The following NOL4L variants were observed in gnomAD, a reference collection of about 807,000 sequenced individuals.
The protein encoded by NOL4L is nucleolar protein 4-like.
In NOL4L, 7 loss-of-function variants were observed where a neutral mutation model predicts 64.5. The observed-to-expected ratio is 0.11, with a 90% CI of 0.06 to 0.20. NOL4L has a LOEUF of 0.20. Ranked by LOEUF, NOL4L falls within the 10% of genes least tolerant of loss-of-function variation. NOL4L has a pLI of 1.00. For missense variants in NOL4L, 680 were observed against 967.1 expected (o/e 0.70, Z 3.94); for synonymous variants, 413 against 401.0 (o/e 1.03, Z -0.36).
Position 32,444,159 on chromosome 20 carries a change from TAGG to T in NOL4L, c.*3434_*3436del, listed in dbSNP as rs1340502008. 6.6e-6 allele frequency: 1 copy of T among 151,952 alleles called. No individual in the cohort carries two copies. Among genetic ancestry groups the T allele is most frequent in the Admixed American group, 6.6e-5 (1 of 15,250 alleles). 9.4% of individuals were successfully genotyped at this position (151,952 alleles called of 1,614,324 possible). A position where few individuals can be genotyped will look rare whatever the true frequency, so the allele number is the denominator to read the frequency against. The stretch of plus-strand genomic sequence containing the variant: ...AGTACACTTTCACTGAGTCCAAAAT[TAGG>T]AGCAAAAATACAAAGGTTCACATTG... On this transcript the variant is annotated 3_prime_UTR_variant, in exon 11 of 11. Transcript: ENST00000621426.
intron 1 of NOL4L, chr20:32,573,586 A>T (rs963804385): frequency 5.6e-6 from 1 of 179,640 alleles, no homozygotes; most frequent in African/African-American, 2.4e-5. Context: ...ATAGCATAGA[A>T]GGAGGATATA....
intron 1 of NOL4L, among the ~76,000 whole-genome samples, chr20:32,583,993 C>T (rs1346088125): frequency 4.0e-5 from 6 of 148,174 alleles, no homozygotes; most frequent in African/African-American, 1.5e-4. Flanking sequence ...CCTCCCCGGG[C>T]CAGCCCCGGG....
chr20:32,555,378 C>T (rs1978585995), intron 1 of NOL4L, among the ~76,000 whole-genome samples: 1 of 152,082 alleles, frequency 6.6e-6, no homozygotes, highest in Non-Finnish European at 1.5e-5. Context: ...GTGCTCACTG[C>T]AGCCTCCATT....
At chr20:32,476,486 G>A (rs1172578701) in intron 4 of NOL4L, among the ~76,000 whole-genome samples, 1 of 152,242 alleles carries the variant, frequency 6.6e-6, no homozygotes, top group Non-Finnish European at 1.5e-5. Flanking sequence ...TGCCCAGGGG[G>A]TGCCATGCTC....
chr20:32,574,566 G>C (rs1979968508), intron 1 of NOL4L, among the ~76,000 whole-genome samples: 2 of 152,126 alleles, frequency 1.3e-5, no homozygotes, highest in South Asian at 4.1e-4. Context: ...TGTTTTTCTC[G>C]ACTCGCCAGC....
chr20:32,528,181 A>G (rs373541220), intron 1 of NOL4L, among the ~76,000 whole-genome samples: 141 of 152,338 alleles, frequency 9.3e-4, no homozygotes, highest in Non-Finnish European at 1.8e-3. Flanking sequence ...CATGTTCACA[A>G]TTTCAGACAG....
intron 1 of NOL4L, chr20:32,532,465 C>T (rs1600844602): frequency 1.5e-6 from 1 of 664,436 alleles, no homozygotes; most frequent in Non-Finnish European, 1.9e-6. Context: ...GTGCCGCAGA[C>T]ATCTCTGCTA....
At position 32,460,288 on chromosome 20, in the gene NOL4L, GCA is replaced by G. The variant is rs1327686167; in HGVS notation, c.842-3895_842-3894del. ...TGCCATTATCTCATTTTCTCATGCCGCACACACAGAGCCTACTCAGAGGGACA... is the reference window on the plus strand; with the variant it reads ...TGCCATTATCTCATTTTCTCATGCCGCACACAGAGCCTACTCAGAGGGACA... On this transcript the variant is annotated intron_variant, in intron 5 of 10. Transcript: ENST00000621426. The surrounding 1 kb of genome is among the most constrained non-coding windows in gnomAD (Gnocchi z 5.7). Among the ~76,000 whole-genome samples the G allele has an allele frequency of 6.6e-6, 1 of 152,116 alleles. No homozygotes were observed. Among genetic ancestry groups the G allele is most frequent in the Non-Finnish European group, 1.5e-5 (1 of 68,024 alleles).
At chr20:32,512,051 C>T (rs1459248350) in intron 3 of NOL4L, among the ~76,000 whole-genome samples, 2 of 152,048 alleles carry the variant, frequency 1.3e-5, no homozygotes, top group African/African-American at 4.8e-5. Flanking sequence ...CCCACCCCCA[C>T]AACACACACA....
chr20:32,579,547 C>T (rs1980337485), intron 1 of NOL4L, among the ~76,000 whole-genome samples: 1 of 152,090 alleles, frequency 6.6e-6, no homozygotes, highest in African/African-American at 2.4e-5. Context: ...TCCAGCCTCC[C>T]AGACGTGCAG....
intron 4 of NOL4L, among the ~76,000 whole-genome samples, chr20:32,498,766 T>TAAAAAAAA (rs34083852): frequency 2.0e-5 from 2 of 98,994 alleles, no homozygotes; most frequent in African/African-American, 6.7e-5. Context: ...CCTGTCTCAA[T>TAAAAAAAA]AAAAAAAAAA....
Position 32,463,856 on chromosome 20 carries a change from T to C in NOL4L, c.842-7461A>G, listed in dbSNP as rs1484519291. Among the ~76,000 whole-genome samples, 4 of 152,172 alleles carry C rather than the reference T, an allele frequency of 2.6e-5. No individual in the cohort carries two copies. Among genetic ancestry groups the C allele is most frequent in the African/African-American group, 9.6e-5 (4 of 41,522 alleles). ...GGGCGACTCCCACCAGCTCCCAGGC[T>C]AGGCTCGGAGAACGGGAAGGCCCAC... On this transcript the variant is annotated intron_variant, in intron 5 of 10. Transcript: ENST00000621426. The surrounding 1 kb of genome is among the most constrained non-coding windows in gnomAD (Gnocchi z 5.8).
intron 5 of NOL4L, among the ~76,000 whole-genome samples, chr20:32,458,656 C>A (rs2013774120): frequency 6.6e-6 from 1 of 152,252 alleles, no homozygotes; most frequent in Non-Finnish European, 1.5e-5. Flanking sequence ...ACACCACCCT[C>A]ACAGGCCACT....
chr20:32,486,691 T>C, intron 4 of NOL4L: 1 of 466,040 alleles, frequency 2.1e-6, no homozygotes, highest in Non-Finnish European at 4.4e-6. Context: ...GAGAAGAAAA[T>C]GTACCTGCAA....
chr20:32,447,751 AG>A lies in NOL4L; in HGVS notation c.1887del (p.Ser630ProfsTer62). The A allele has an allele frequency of 1.2e-6, 1 of 813,816 alleles. No homozygotes were observed. Among genetic ancestry groups the A allele is most frequent in the Non-Finnish European group, 1.7e-6 (1 of 582,766 alleles). 50.4% of individuals were successfully genotyped at this position (813,816 alleles called of 1,614,324 possible). On this transcript the variant is annotated frameshift_variant, in exon 11 of 11. Transcript: ENST00000621426. LOFTEE classifies it high-confidence loss of function. Reference protein sequence around the residue: ...STTSTTPTPTPSSTSTSRPVP... With the variant: ...STTSTTPTPTXSSTSTSRPVP... Reference sequence around the variant, plus strand: ...ACGGGCCTGCTGGTGCTGGTGCTGGAGGGGGTGGGCGTGGGGGTGGTGGAGG... The same window carrying A: ...ACGGGCCTGCTGGTGCTGGTGCTGGAGGGGTGGGCGTGGGGGTGGTGGAGG...
intron 3 of NOL4L, among the ~76,000 whole-genome samples, chr20:32,513,971 G>A (rs1014784740): frequency 6.6e-6 from 1 of 152,196 alleles, no homozygotes; most frequent in African/African-American, 2.4e-5. Context: ...AAGAGGACAA[G>A]GGAAGTTCCT....
chr20:32,454,299 C>G (rs893976501), intron 6 of NOL4L, among the ~76,000 whole-genome samples: 29 of 152,224 alleles, frequency 1.9e-4, no homozygotes, highest in Non-Finnish European at 3.5e-4. Flanking sequence ...CCAGCCAGGG[C>G]GACAGGTCCG....
chr20:32,557,745 G>C (rs1290745817), intron 1 of NOL4L, among the ~76,000 whole-genome samples: 3 of 152,360 alleles, frequency 2.0e-5, no homozygotes, highest in African/African-American at 7.2e-5. Flanking sequence ...GAAAAAGTTT[G>C]TATTTTTAAA....
intron 4 of NOL4L, among the ~76,000 whole-genome samples, chr20:32,484,413 TC>T: frequency 6.6e-6 from 1 of 151,324 alleles, no homozygotes; most frequent in Non-Finnish European, 1.5e-5. Flanking sequence ...CCCTCCCCCT[TC>T]CCCATCCGCA....
Sources: gnomAD v4.1 joint callset for allele counts (sites outside exome capture counted in the v4.1 genomes callset) on GRCh38, gnomAD v4.1.1 for gene constraint, Gnocchi (gnomAD v3.1) non-coding constraint, MANE v1.5 for transcripts, NCBI Gene and HGNC (gene_info 2026-07-23, HGNC 2026-07-21) for gene names.